TMEM117: variants seen among roughly 807,000 people sequenced by gnomAD.
TMEM117 encodes the protein transmembrane protein 117.
In TMEM117, 27 loss-of-function variants were observed where a neutral mutation model predicts 52.4. The ratio of observed to expected loss-of-function variants is 0.51; its 90% CI spans 0.38 to 0.71. TMEM117 has a LOEUF of 0.71. Among genes scored for constraint, TMEM117 ranks in the 30% least tolerant of loss-of-function variants. The probability of loss-of-function intolerance (pLI) is 0.00; values close to 1 mark genes in which losing one functional copy is unlikely to be tolerated. For missense variants in TMEM117, 556 were observed against 630.5 expected (o/e 0.88, Z 1.26); for synonymous variants, 215 against 206.3 (o/e 1.04, Z -0.36).
At chr12:43,975,564 T>C (rs1323506046) in intron 3 of TMEM117, among the ~76,000 whole-genome samples, 1 of 152,200 alleles carries the variant, frequency 6.6e-6, no homozygotes, top group African/African-American at 2.4e-5. Flanking sequence ...AGAATTCAAA[T>C]GCAGGCTTTC....
chr12:44,363,947 T>C (rs1401872924), intron 6 of TMEM117, among the ~76,000 whole-genome samples: 1 of 152,182 alleles, frequency 6.6e-6, no homozygotes, highest in Non-Finnish European at 1.5e-5. Context: ...TTCAGAGAAC[T>C]GATTTCTGAA....
At chr12:44,029,086 G>A (rs1946590516) in intron 3 of TMEM117, among the ~76,000 whole-genome samples, 1 of 152,160 alleles carries the variant, frequency 6.6e-6, no homozygotes, top group African/African-American at 2.4e-5. Context: ...TTAGGTTAGA[G>A]GCTTAACTCA....
intron 3 of TMEM117, among the ~76,000 whole-genome samples, chr12:43,967,767 C>T (rs1945509964): frequency 6.6e-6 from 1 of 152,202 alleles, no homozygotes; most frequent in Admixed American, 6.5e-5. Context: ...ATAATGAATG[C>T]TTTCTGTTTT....
intron 3 of TMEM117, among the ~76,000 whole-genome samples, chr12:44,017,396 C>A (rs1398541627): frequency 7.5e-6 from 1 of 133,196 alleles, no homozygotes; most frequent in Non-Finnish European, 1.6e-5. Context: ...AAAGGAAAAA[C>A]CCCAAACCCA....
intron 3 of TMEM117, among the ~76,000 whole-genome samples, chr12:43,969,732 A>G (rs962532175): frequency 2.0e-5 from 3 of 152,020 alleles, no homozygotes; most frequent in East Asian, 1.9e-4. Context: ...TCTAAAATCC[A>G]TACGGTCACC....
intron 4 of TMEM117, among the ~76,000 whole-genome samples, chr12:44,203,750 G>A (rs1457315278): frequency 2.0e-5 from 3 of 152,102 alleles, no homozygotes; most frequent in African/African-American, 4.8e-5. Context: ...TCATTTAATT[G>A]TATGGTTTTG....
At chr12:44,190,876 C>T (rs1273264396) in intron 4 of TMEM117, among the ~76,000 whole-genome samples, 1 of 147,694 alleles carries the variant, frequency 6.8e-6, no homozygotes, top group Non-Finnish European at 1.5e-5. Context: ...GAGAGAGATA[C>T]ATACATACAT....
upstream of TMEM117, among the ~76,000 whole-genome samples, chr12:43,831,118 T>C (rs1056503693): frequency 1.1e-4 from 17 of 152,150 alleles, no homozygotes; most frequent in African/African-American, 4.1e-4. Flanking sequence ...CCTTAGAAAA[T>C]TGCCAAAGAA....
intron 6 of TMEM117, among the ~76,000 whole-genome samples, chr12:44,332,028 CTTAT>C (rs1396757643): frequency 2.0e-5 from 3 of 152,010 alleles, no homozygotes; most frequent in African/African-American, 7.2e-5. Context: ...AGGCATCACA[CTTAT>C]TTATCAATTT....
intron 3 of TMEM117, among the ~76,000 whole-genome samples, chr12:44,120,348 A>G (rs577897860): frequency 6.6e-6 from 1 of 152,254 alleles, no homozygotes; most frequent in East Asian, 1.9e-4. Flanking sequence ...GGTGCTGTCT[A>G]CCTATTTTTT....
At chr12:44,075,226 T>C (rs945969141) in intron 3 of TMEM117, among the ~76,000 whole-genome samples, 1 of 152,306 alleles carries the variant, frequency 6.6e-6, no homozygotes, top group East Asian at 1.9e-4. Context: ...GGTGGGGATG[T>C]TGTATTAGGA....
chr12:44,352,855 C>T (rs558046661), intron 6 of TMEM117, among the ~76,000 whole-genome samples: 1 of 152,104 alleles, frequency 6.6e-6, no homozygotes, highest in East Asian at 1.9e-4. Context: ...ATTCTAGATC[C>T]CTGAGGAATC....
At chr12:43,940,014 G>A (rs940906260) in intron 2 of TMEM117, among the ~76,000 whole-genome samples, 4 of 152,206 alleles carry the variant, frequency 2.6e-5, no homozygotes, top group African/African-American at 7.2e-5. Context: ...GGAAAGATTC[G>A]CCTCCATGAT....
At chr12:44,184,611 C>G (rs1405016827) in intron 4 of TMEM117, among the ~76,000 whole-genome samples, 2 of 152,108 alleles carry the variant, frequency 1.3e-5, no homozygotes, top group African/African-American at 4.8e-5. Flanking sequence ...TTACAGCTTA[C>G]CAGGAAATGG....
chr12:44,236,376 G>C (rs983733562), intron 5 of TMEM117, among the ~76,000 whole-genome samples: 2 of 151,850 alleles, frequency 1.3e-5, no homozygotes, highest in Non-Finnish European at 2.9e-5. Context: ...CCTATTTCTA[G>C]TTAGTTTTCT....
At chr12:44,079,623 A>G (rs917562067) in intron 3 of TMEM117, among the ~76,000 whole-genome samples, 1 of 152,180 alleles carries the variant, frequency 6.6e-6, no homozygotes, top group Non-Finnish European at 1.5e-5. Flanking sequence ...AAGATATTTT[A>G]GATAAGGCAG....
intron 6 of TMEM117, among the ~76,000 whole-genome samples, chr12:44,304,050 A>G (rs1466715124): frequency 6.6e-6 from 1 of 152,220 alleles, no homozygotes; most frequent in African/African-American, 2.4e-5. Context: ...AATCAGATGA[A>G]TGATCACAGT....
intron 3 of TMEM117, among the ~76,000 whole-genome samples, chr12:44,016,142 C>T (rs543846467): frequency 3.9e-5 from 6 of 152,310 alleles, no homozygotes; most frequent in Admixed American, 2.0e-4. Flanking sequence ...TTCTGCCTCC[C>T]CTGAACCCCA....
chr12:43,984,945 A>G (rs1043237828), intron 3 of TMEM117, among the ~76,000 whole-genome samples: 4 of 152,214 alleles, frequency 2.6e-5, no homozygotes, highest in African/African-American at 9.6e-5. Flanking sequence ...CATTTCCAAT[A>G]GAAATTTGAG....
Sources: allele counts gnomAD v4.1 joint callset (sites outside exome capture counted in the v4.1 genomes callset), GRCh38; gene constraint gnomAD v4.1.1; transcripts MANE v1.5; gene names NCBI Gene and HGNC (gene_info 2026-07-23, HGNC 2026-07-21).